CLSPN: variants seen among roughly 807,000 people sequenced by gnomAD.
CLSPN encodes claspin.
In CLSPN, 85 loss-of-function variants were observed where a neutral mutation model predicts 156.3. The observed-to-expected ratio is 0.54, with a 90% confidence interval of 0.46 to 0.65. CLSPN has a LOEUF of 0.65. Ranked by LOEUF, CLSPN falls within the 30% of genes least tolerant of loss-of-function variation. The pLI, the probability that CLSPN is intolerant of heterozygous loss-of-function variation, is 0.00. For synonymous variants in CLSPN, 534 were observed against 542.4 expected (o/e 0.98, Z 0.22); for missense variants, 1,407 against 1,554.9 (o/e 0.90, Z 1.60).
chr1:35,737,380 T>C lies in CLSPN; in HGVS notation c.3706A>G (p.Arg1236Gly). 1 of 1,614,098 alleles carries C rather than the reference T, an allele frequency of 6.2e-7. No individual in the cohort carries two copies. Among genetic ancestry groups the C allele is most frequent in the Non-Finnish European group, 8.5e-7 (1 of 1,179,974 alleles). ...GGTCTGATGGCTTCAAAAGGATTTC[T>C]GAGCAAAGACTTTGATTCCTGAATA... is the stretch of plus-strand genomic sequence containing the variant. Reference protein sequence around the residue: ...MVIQESKSLLRNPFEAIRPGS... With the variant: ...MVIQESKSLLGNPFEAIRPGS... The change falls in exon 23 of 25, where the codon AGA becomes GGA. Residue 1236 changes from arginine to glycine, a missense_variant. This residue lies in a region of CLSPN where 241 missense variants were observed against 240.5 expected (regional missense o/e 1.00). Coordinates refer to ENST00000318121, the MANE Select transcript of CLSPN (RefSeq NM_022111.4).
chr1:35,745,005 G>T (rs1442268713), intron 16 of CLSPN, among the ~76,000 whole-genome samples: 2 of 152,106 alleles, frequency 1.3e-5, no homozygotes, highest in African/African-American at 4.8e-5. Context: ...TAGAGACGGG[G>T]TTTCACCATG....
In CLSPN at chr1:35,766,328, AAAG is replaced by A. The variant is rs201129567; in HGVS notation, c.25-1005_25-1003del. 5.9e-3 allele frequency among the ~76,000 whole-genome samples: 892 copies of A among 152,052 alleles called. 9 individuals carry two copies. Among genetic ancestry groups the A allele is most frequent in the African/African-American group, 0.02 (845 of 41,502 alleles). On this transcript the variant is annotated intron_variant, in intron 1 of 24. Transcript: ENST00000318121. ...TAACAATATATTGCAAAGAAAAAAA[AAAG>A]AGAGGGAGAGAAACCTATAAAGAAA...
At chr1:35,751,566 G>C in intron 9 of CLSPN, 60 bp from the exon 10 acceptor site, 2 of 1,540,248 alleles carry the variant, frequency 1.3e-6, no homozygotes, top group South Asian at 2.6e-5. Flanking sequence ...ATGCATTTTA[G>C]GCAACTCCAG....
rs1370485245 is a variant in CLSPN, at chr1:35,746,485, C to A, written c.2854+281G>T. ...TCTCAGCTCACTGCAACCTTCATCT[C>A]CCAGGCTCAAGAGATCCTCCCACCT... is the stretch of plus-strand genomic sequence containing the variant. On this transcript the variant is annotated intron_variant, in intron 15 of 24. Coordinates refer to ENST00000318121, the MANE Select transcript of CLSPN (RefSeq NM_022111.4). The surrounding 1 kb of genome is among the most constrained non-coding windows in gnomAD (Gnocchi z 4.2). Among the ~76,000 whole-genome samples, 1 of 151,852 alleles carries A rather than the reference C, an allele frequency of 6.6e-6. No individual in the cohort carries two copies. Among genetic ancestry groups the A allele is most frequent in the Non-Finnish European group, 1.5e-5 (1 of 67,976 alleles).
At chr1:35,737,235 G>A (rs1405973751) in intron 23 of CLSPN, 104 bp downstream of exon 23, 5 of 1,281,794 alleles carry the variant, frequency 3.9e-6, no homozygotes, top group Non-Finnish European at 5.6e-6. Context: ...CTTTTTCCCT[G>A]CAGCCACCTC....
In CLSPN at chr1:35,733,858, T is replaced by C. The variant is rs910556657; in HGVS notation, c.*2638A>G. 4 of 521,840 alleles carry C rather than the reference T, an allele frequency of 7.7e-6. No homozygotes were observed. In the African/African-American group the frequency reaches 8.3e-5, roughly 11 times the overall value. 32.3% of individuals were successfully genotyped at this position (521,840 alleles called of 1,614,324 possible). On this transcript the variant is annotated 3_prime_UTR_variant, in exon 25 of 25. Coordinates refer to ENST00000318121, the MANE Select transcript of CLSPN (RefSeq NM_022111.4). Reference sequence around the variant, plus strand: ...TGGGCATGGTGGCATATGCCTGTAATGTGGCCCAGCTATTCCAAAGGTTGA... The same window carrying C: ...TGGGCATGGTGGCATATGCCTGTAACGTGGCCCAGCTATTCCAAAGGTTGA...
At chr1:35,755,032 A>T (rs1434731257) in intron 8 of CLSPN, among the ~76,000 whole-genome samples, 1 of 152,184 alleles carries the variant, frequency 6.6e-6, no homozygotes, top group African/African-American at 2.4e-5. Flanking sequence ...TGGCAGTTTT[A>T]AGGAGAAAGT....
intron 9 of CLSPN, among the ~76,000 whole-genome samples, chr1:35,752,895 A>C (rs1370258380): frequency 1.3e-5 from 2 of 152,246 alleles, no homozygotes. Flanking sequence ...TACTCCTATA[A>C]AGACATACAA....
At chr1:35,726,327 C>T (rs987531505) in intron 24 of CLSPN, among the ~76,000 whole-genome samples, 8 of 152,094 alleles carry the variant, frequency 5.3e-5, no homozygotes, top group Non-Finnish European at 1.2e-4. Flanking sequence ...TGCTGTCACT[C>T]CTCTTCCCAG....
intron 1 of CLSPN, among the ~76,000 whole-genome samples, chr1:35,767,265 A>C (rs1022006756): frequency 6.6e-6 from 1 of 152,218 alleles, no homozygotes; most frequent in Non-Finnish European, 1.5e-5. Flanking sequence ...CACTGACTAG[A>C]TACTTCTTAG....
chr1:35,758,048 C>A (rs980220226), intron 8 of CLSPN, among the ~76,000 whole-genome samples: 2 of 152,044 alleles, frequency 1.3e-5, no homozygotes, highest in Non-Finnish European at 2.9e-5. Context: ...TCTTTCTATC[C>A]TCTCCATCTC....
In CLSPN at chr1:35,765,265, T is replaced by C. The variant is rs769970652; in HGVS notation, c.86A>G (p.Asp29Gly). ...TGTTTCATAGCTGCCCTGTCCACTATCTGAAGGACTATCTGCTTCCTCTTG... is the reference window on the plus strand; with the variant it reads ...TGTTTCATAGCTGCCCTGTCCACTACCTGAAGGACTATCTGCTTCCTCTTG... ...ISQEEADSPS[D>G]SGQGSYETIG... The change falls in exon 2 of 25, where the codon GAT becomes GGT. Residue 29 changes from aspartate (D) to glycine (G), a missense_variant. This residue lies in a region of CLSPN where 1,096 missense variants were observed against 1,193.0 expected (regional missense o/e 0.92). Transcript: ENST00000318121. 8.7e-6 allele frequency: 14 copies of C among 1,613,892 alleles called. No homozygotes were observed. Among genetic ancestry groups the C allele is most frequent in the Non-Finnish European group, 1.1e-5 (13 of 1,179,944 alleles).
Position 35,746,366 on chromosome 1 carries a change from T to C in CLSPN, c.2854+400A>G, listed in dbSNP as rs1298542395. Reference sequence around the variant, plus strand: ...ATCACAGCCCTGTTTTCTGTGAACTTTTCACCTGAGGGTAAGGGGCTTCTT... The same window carrying C: ...ATCACAGCCCTGTTTTCTGTGAACTCTTCACCTGAGGGTAAGGGGCTTCTT... On this transcript the variant is annotated intron_variant, in intron 15 of 24. Coordinates refer to ENST00000318121, the MANE Select transcript of CLSPN (RefSeq NM_022111.4). This position sits in a 1 kb window ranked among gnomAD's most constrained non-coding sequence, Gnocchi z 4.2. Among the ~76,000 whole-genome samples, 1 of 152,102 alleles carries C rather than the reference T, an allele frequency of 6.6e-6. No individual in the cohort carries two copies. The highest frequency in any genetic ancestry group is 1.5e-5 in the Non-Finnish European group (1 of 68,000).
rs1046026587 is a variant in CLSPN, at chr1:35,751,329, A to G, written c.1949T>C (p.Val650Ala). The G allele has an allele frequency of 1.3e-6, 2 of 1,586,798 alleles. No individual in the cohort carries two copies. The highest frequency in any genetic ancestry group is 1.4e-5 in the African/African-American group (1 of 73,666). The change falls in exon 10 of 25, where the codon GTA becomes GCA. Residue 650 changes from valine (V) to alanine (A), a missense_variant. Physicochemically the swap from Val to Ala is moderately conservative, Grantham distance 64. This residue lies in a region of CLSPN where 1,096 missense variants were observed against 1,193.0 expected (regional missense o/e 0.92). Transcript: ENST00000318121. Reference sequence around the variant, plus strand: ...TTCTTCCTCTTTCTCTTCTTTCTCTACCTTCTCTTCTCCATCTTCCTCAGA... The same window carrying G: ...TTCTTCCTCTTTCTCTTCTTTCTCTGCCTTCTCTTCTCCATCTTCCTCAGA... ...DESEEDGEEK[V>A]EKEEKEEELE...
downstream of CLSPN, among the ~76,000 whole-genome samples, chr1:35,727,260 G>A (rs1253748305): frequency 2.6e-5 from 4 of 152,200 alleles, no homozygotes; most frequent in Non-Finnish European, 5.9e-5. Context: ...GCCAGAGGAA[G>A]AGGCTGATCT....
chr1:35,733,327 T>TC lies in CLSPN; in HGVS notation c.*3168_*3169insG, dbSNP rs1641365600. The TC allele has an allele frequency of 1.2e-5, 3 of 246,368 alleles. No homozygotes were observed. The highest frequency in any genetic ancestry group is 1.5e-4 in the South Asian group (1 of 6,578). 15.3% of individuals were successfully genotyped at this position (246,368 alleles called of 1,614,324 possible). ...TAATTTTCTTTTTTTTTTCTTTTTT[T>TC]TTTTTTTTTTAGAGTTGGGATTTCA... On this transcript the variant is annotated 3_prime_UTR_variant, in exon 25 of 25. Transcript: ENST00000318121.
At chr1:35,726,152 C>CAAACAAAAAAAAA (rs1641182689) in intron 24 of CLSPN, among the ~76,000 whole-genome samples, 1 of 48,190 alleles carries the variant, frequency 2.1e-5, no homozygotes, top group Non-Finnish European at 3.7e-5. Context: ...CAGATGCAGA[C>CAAACAAAAAAAAA]AAAAAAAAAA....
Position 35,738,594 on chromosome 1 carries a change from G to C in CLSPN, c.3431-12C>G. On this transcript the variant is annotated splice_polypyrimidine_tract_variant and intron_variant, in intron 20 of 24. Transcript: ENST00000318121. The stretch of plus-strand genomic sequence containing the variant: ...CTGGGAAGCATCATCTAAACAAAGA[G>C]TGAAGGTAATCAGCATTCGGCAGTC... 6.2e-7 allele frequency: 1 copy of C among 1,613,662 alleles called. No individual in the cohort carries two copies. The highest frequency in any genetic ancestry group is 8.5e-7 in the Non-Finnish European group (1 of 1,179,816).
intron 8 of CLSPN, among the ~76,000 whole-genome samples, chr1:35,757,345 C>CATGA (rs950094905): frequency 2.0e-5 from 3 of 152,158 alleles, no homozygotes; most frequent in Admixed American, 6.6e-5. Flanking sequence ...AAGTTTATTG[C>CATGA]ATGAATGAAT....
Sources: allele counts gnomAD v4.1 joint callset (sites outside exome capture counted in the v4.1 genomes callset), GRCh38; gene constraint gnomAD v4.1.1; regional missense constraint gnomAD v4.1.1; non-coding constraint Gnocchi (gnomAD v3.1); transcripts MANE v1.5; gene names NCBI Gene and HGNC (gene_info 2026-07-23, HGNC 2026-07-21).